The following ZNF385D variants were observed in gnomAD, a reference collection of about 807,000 sequenced individuals.
The protein encoded by ZNF385D is zinc finger protein 385D, also known as zinc finger protein 659.
ZNF385D carries 15 observed loss-of-function variants against 35.8 expected under a neutral mutation model. The ratio of observed to expected loss-of-function variants is 0.42; its 90% CI spans 0.28 to 0.64. The LOEUF is 0.64. Ranked by LOEUF, ZNF385D falls within the 30% of genes least tolerant of loss-of-function variation. The pLI is 0.23. For missense variants in ZNF385D, 474 were observed against 494.6 expected (o/e 0.96, Z 0.39); for synonymous variants, 212 against 186.8 (o/e 1.13, Z -1.10).
Position 22,174,128 on chromosome 3 carries a change from C to T in ZNF385D, c.107-5093G>A, listed in dbSNP as rs903062351. Among the ~76,000 whole-genome samples the T allele has an allele frequency of 4.6e-5, 7 of 152,082 alleles. No individual in the cohort carries two copies. The South Asian group carries it at 1.5e-3, about 32-fold the overall frequency. On this transcript the variant is annotated intron_variant, in intron 2 of 5. Coordinates refer to the ZNF385D transcript ENST00000494108. ...TTGCTTTAGTGTTTTAACCCTATTGCAACTCCCACAATCATTAATATAAAA... is the reference window on the plus strand; with the variant it reads ...TTGCTTTAGTGTTTTAACCCTATTGTAACTCCCACAATCATTAATATAAAA...
Position 21,425,788 on chromosome 3 carries a change from A to G in ZNF385D, c.674-118T>C, listed in dbSNP as rs574303245. On this transcript the variant is annotated intron_variant, in intron 5 of 7. Coordinates refer to ENST00000281523, the MANE Select transcript of ZNF385D (RefSeq NM_024697.3). ...GTATATACCTTTAAGAAACAGTACA[A>G]TAACAAAATCTGATGCCTCATTTTA... The G allele has an allele frequency of 8.7e-5, 77 of 885,296 alleles. 1 individual carries two copies. The African/African-American group carries it at 1.0e-3, about 12-fold the overall frequency. 54.8% of individuals were successfully genotyped at this position (885,296 alleles called of 1,614,324 possible).
intron 1 of ZNF385D, among the ~76,000 whole-genome samples, chr3:21,669,437 TA>T: frequency 6.6e-6 from 1 of 152,346 alleles, no homozygotes; most frequent in South Asian, 2.1e-4. Flanking sequence ...AAGGGCCGTA[TA>T]TTCACAAAAG....
At chr3:21,750,831 G>A in intron 1 of ZNF385D, 64 bp downstream of exon 1, 1 of 1,603,790 alleles carries the variant, frequency 6.2e-7, no homozygotes, top group Non-Finnish European at 8.5e-7. Context: ...ATTTTTTAAG[G>A]GCTTGTCTGC....
chr3:21,724,749 C>T (rs1409241676), intron 1 of ZNF385D, among the ~76,000 whole-genome samples: 1 of 151,932 alleles, frequency 6.6e-6, no homozygotes, highest in Non-Finnish European at 1.5e-5. Context: ...ATTTAACACC[C>T]CACTGTCAAT....
intron 2 of ZNF385D, among the ~76,000 whole-genome samples, chr3:22,232,910 C>A (rs1481384316): frequency 6.6e-6 from 1 of 152,148 alleles, no homozygotes; most frequent in Non-Finnish European, 1.5e-5. Context: ...ACTGGATTCT[C>A]TTTTTAGTTC....
At position 22,085,188 on chromosome 3, in the gene ZNF385D, A is replaced by C. The variant is rs181826603; in HGVS notation, c.325+83629T>G. Among the ~76,000 whole-genome samples, 508 of 152,314 alleles carry C rather than the reference A, an allele frequency of 3.3e-3. 1 individual carries two copies. Among genetic ancestry groups the C allele is most frequent in the African/African-American group, 0.011 (440 of 41,568 alleles). ...ATAAACTAGAGAAGCAAGAGCGAAC[A>C]AATTCAAAAGCTAGCAGAAGACAAT... On this transcript the variant is annotated intron_variant, in intron 3 of 5. Transcript: ENST00000494108.
chr3:21,723,756 C>T (rs2068639045), intron 1 of ZNF385D, among the ~76,000 whole-genome samples: 1 of 152,126 alleles, frequency 6.6e-6, no homozygotes, highest in Non-Finnish European at 1.5e-5. Flanking sequence ...ACTTCCTCAA[C>T]CTAGCAAGGC....
chr3:21,908,342 A>G (rs182894873), intron 3 of ZNF385D, among the ~76,000 whole-genome samples: 1 of 152,256 alleles, frequency 6.6e-6, no homozygotes, highest in Non-Finnish European at 1.5e-5. Flanking sequence ...ATGATATTAC[A>G]TGAGGAACAG....
intron 3 of ZNF385D, among the ~76,000 whole-genome samples, chr3:22,062,636 G>GCA (rs1699750657): frequency 6.6e-6 from 1 of 152,142 alleles, no homozygotes; most frequent in Non-Finnish European, 1.5e-5. Flanking sequence ...CCCCAAAGAT[G>GCA]CACTCTATCT....
At chr3:21,975,465 A>G (rs1210119392) in intron 3 of ZNF385D, among the ~76,000 whole-genome samples, 2 of 152,138 alleles carry the variant, frequency 1.3e-5, no homozygotes, top group Admixed American at 6.6e-5. Context: ...GATAGAATGA[A>G]TAAGACCTAG....
intron 3 of ZNF385D, among the ~76,000 whole-genome samples, chr3:21,548,601 TA>T (rs2062461571): frequency 6.6e-6 from 1 of 152,232 alleles, no homozygotes; most frequent in African/African-American, 2.4e-5. Flanking sequence ...ACGGTATTAG[TA>T]ATGTCCTTTA....
At chr3:22,119,372 G>A (rs187448000) in intron 3 of ZNF385D, among the ~76,000 whole-genome samples, 2 of 152,242 alleles carry the variant, frequency 1.3e-5, no homozygotes, top group East Asian at 3.9e-4. Context: ...AAACTGAAAT[G>A]CAGTCTAGAC....
intron 3 of ZNF385D, among the ~76,000 whole-genome samples, chr3:21,908,157 T>TCTATCTATCTACCTAC (rs376013476): frequency 2.7e-5 from 4 of 150,166 alleles, no homozygotes; most frequent in South Asian, 2.1e-4. Flanking sequence ...TATCTATCTA[T>TCTATCTATCTACCTAC]CTATCTATCT....
chr3:22,024,799 C>G (rs1697436833), intron 3 of ZNF385D, among the ~76,000 whole-genome samples: 1 of 152,056 alleles, frequency 6.6e-6, no homozygotes, highest in African/African-American at 2.4e-5. Flanking sequence ...ATGGTTGCTC[C>G]TAAGTTCAGT....
intron 4 of ZNF385D, among the ~76,000 whole-genome samples, chr3:21,470,997 G>A (rs545776686): frequency 6.0e-4 from 92 of 152,106 alleles, no homozygotes; most frequent in Non-Finnish European, 1.0e-3. Flanking sequence ...AGGGAATATA[G>A]ACTAATATTG....
chr3:21,573,634 T>C (rs1196752285), intron 2 of ZNF385D, among the ~76,000 whole-genome samples: 1 of 152,154 alleles, frequency 6.6e-6, no homozygotes, highest in Admixed American at 6.6e-5. Flanking sequence ...CATTAAATAT[T>C]TATAAGCAGG....
intron 2 of ZNF385D, among the ~76,000 whole-genome samples, chr3:21,661,431 G>T (rs138015460): frequency 1.3e-5 from 2 of 152,272 alleles, no homozygotes; most frequent in African/African-American, 4.8e-5. Context: ...GGCACATAAT[G>T]ATGCAGCTGC....
At chr3:21,527,327 CT>C (rs1443535113) in intron 3 of ZNF385D, among the ~76,000 whole-genome samples, 1 of 152,136 alleles carries the variant, frequency 6.6e-6, no homozygotes, top group Non-Finnish European at 1.5e-5. Flanking sequence ...GGTTGGCATT[CT>C]TAGGGAGAAG....
At chr3:21,881,852 G>A (rs1339313877) in intron 3 of ZNF385D, among the ~76,000 whole-genome samples, 1 of 151,968 alleles carries the variant, frequency 6.6e-6, no homozygotes, top group East Asian at 1.9e-4. Flanking sequence ...AACCCTCATG[G>A]ATGACTGAGC....
Sources: gnomAD v4.1 joint callset for allele counts (sites outside exome capture counted in the v4.1 genomes callset) on GRCh38, gnomAD v4.1.1 for gene constraint, MANE v1.5 for transcripts, NCBI Gene and HGNC (gene_info 2026-07-23, HGNC 2026-07-21) for gene names.